DMD: variants seen among roughly 807,000 people sequenced by gnomAD.
DMD encodes the protein mutant dystrophin.
A neutral mutation model predicts 330.1 loss-of-function variants in DMD; 63 were observed. The ratio of observed to expected loss-of-function variants is 0.19; its 90% CI spans 0.16 to 0.24. The LOEUF is 0.24. DMD is among the 10% of genes least tolerant of loss of function. The pLI is 1.00. For synonymous variants in DMD, 1,223 were observed against 959.8 expected (o/e 1.27, Z -5.07); for missense variants, 3,344 against 2,684.1 (o/e 1.25, Z -5.43).
intron 2 of DMD, among the ~76,000 whole-genome samples, chrX:33,011,348 C>T (rs778769033): frequency 2.7e-5 from 3 of 111,686 alleles, no homozygotes; most frequent in Non-Finnish European, 5.7e-5. Flanking sequence ...ATCTCCCTTG[C>T]TACTACTCAC....
intron 1 of DMD, among the ~76,000 whole-genome samples, chrX:33,105,181 G>C (rs941542643): frequency 8.9e-5 from 10 of 111,765 alleles, no homozygotes; most frequent in African/African-American, 3.2e-4. Flanking sequence ...TTGGGCAAAG[G>C]ACAGCCTATT....
At chrX:32,205,398 C>T (rs1322170245) in intron 44 of DMD, among the ~76,000 whole-genome samples, 2 of 108,466 alleles carry the variant, frequency 1.8e-5, no homozygotes, top group African/African-American at 3.4e-5. Flanking sequence ...ATTTACAATT[C>T]TCTCCCTTAT....
intron 41 of DMD, among the ~76,000 whole-genome samples, chrX:32,314,817 G>C (rs754413171): frequency 1.3e-4 from 15 of 111,920 alleles, no homozygotes; most frequent in Non-Finnish European, 2.6e-4. Context: ...TTAGAGAAAT[G>C]CAAGTCAAAA....
rs150393172 is a variant in DMD, at chrX:32,442,097, A to G, written c.3787-783T>C. On this transcript the variant is annotated intron_variant, in intron 27 of 78. Transcript: ENST00000357033. ...AATTTCTACAAGAAAATATAGAAGA[A>G]AATATTTCTGACTTTGGCATAGAGA... 5.2e-3 allele frequency among the ~76,000 whole-genome samples: 574 copies of G among 111,161 alleles called. 1 individual carries two copies. The highest frequency in any genetic ancestry group is 8.9e-3 in the Non-Finnish European group (467 of 52,631).
chrX:33,033,672 C>G (rs1216046467), intron 1 of DMD, among the ~76,000 whole-genome samples: 1 of 109,167 alleles, frequency 9.2e-6, no homozygotes, highest in Non-Finnish European at 1.9e-5. Flanking sequence ...GAGCCGAGAT[C>G]GCGCCACTGC....
intron 1 of DMD, among the ~76,000 whole-genome samples, chrX:33,295,763 T>C (rs2053574943): frequency 9.0e-6 from 1 of 111,252 alleles, no homozygotes; most frequent in Non-Finnish European, 1.9e-5. Context: ...CACAGGGATG[T>C]TGTAAATCCA....
rs748263927 is a variant in DMD, at chrX:32,845,024, G to A, written c.187-164C>T. ...TAAATACTTTGCGCTAATTGTCCTT[G>A]GCCTGGTACGTTTTTAGCATAAACC... On this transcript the variant is annotated intron_variant, in intron 3 of 78. Coordinates refer to ENST00000357033, the MANE Select transcript of DMD (RefSeq NM_004006.3). Among the ~76,000 whole-genome samples, 4 of 111,858 alleles carry A rather than the reference G, an allele frequency of 3.6e-5. No homozygotes were observed. The South Asian group carries it at 1.5e-3, about 42-fold the overall frequency.
At chrX:32,621,704 G>A (rs774154744) in intron 11 of DMD, among the ~76,000 whole-genome samples, 1 of 110,387 alleles carries the variant, frequency 9.1e-6, no homozygotes, top group East Asian at 2.9e-4. Flanking sequence ...GGCTGGGTGT[G>A]TGCAAACGGG....
At chrX:31,483,276 A>G (rs191528198) in intron 57 of DMD, among the ~76,000 whole-genome samples, 2,920 of 109,126 alleles carry the variant, frequency 0.027, 91 homozygotes, top group African/African-American at 0.069. Context: ...TCCATCTCCC[A>G]ACCTCGTGAT....
chrX:31,337,159 G>A (rs2148404727), intron 61 of DMD, among the ~76,000 whole-genome samples: 1 of 109,834 alleles, frequency 9.1e-6, no homozygotes, highest in East Asian at 2.9e-4. Flanking sequence ...TCCTGACCTC[G>A]TGATCCGCCC....
At chrX:32,992,195 A>G (rs946462414) in intron 2 of DMD, among the ~76,000 whole-genome samples, 3 of 111,400 alleles carry the variant, frequency 2.7e-5, no homozygotes, top group African/African-American at 9.8e-5. Context: ...TAGATCTGTG[A>G]TCTGACAGAA....
chrX:32,904,072 A>G (rs2086530768), intron 2 of DMD, among the ~76,000 whole-genome samples: 1 of 112,296 alleles, frequency 8.9e-6, no homozygotes, highest in African/African-American at 3.2e-5. Flanking sequence ...AATATCAAAG[A>G]TATAGCAAAT....
At chrX:32,398,241 C>G (rs1203658445) in intron 30 of DMD, among the ~76,000 whole-genome samples, 1 of 99,985 alleles carries the variant, frequency 1.0e-5, no homozygotes. Flanking sequence ...ATTCACACAG[C>G]TTTGTACTAC....
At chrX:32,473,005 G>A (rs73619097) in intron 21 of DMD, among the ~76,000 whole-genome samples, 6,887 of 110,336 alleles carry the variant, frequency 0.062, 576 homozygotes, top group African/African-American at 0.22. Flanking sequence ...ATTATATAGA[G>A]ATATACAGTA....
chrX:32,487,455 T>A (rs1225357721), intron 20 of DMD, among the ~76,000 whole-genome samples: 1 of 110,754 alleles, frequency 9.0e-6, no homozygotes, highest in East Asian at 2.8e-4. Flanking sequence ...AAAGAGAAAA[T>A]GGAAAGAATT....
intron 55 of DMD, among the ~76,000 whole-genome samples, chrX:31,590,708 T>C (rs2076828988): frequency 9.0e-6 from 1 of 111,704 alleles, no homozygotes; most frequent in Non-Finnish European, 1.9e-5. Context: ...GCTTTTAAAA[T>C]AGGCTTGGGA....
intron 77 of DMD, among the ~76,000 whole-genome samples, chrX:31,132,080 T>C (rs1341636755): frequency 8.9e-6 from 1 of 112,056 alleles, no homozygotes; most frequent in Admixed American, 9.5e-5. Flanking sequence ...GTTAATGGAA[T>C]TGGTATCGGA....
intron 50 of DMD, among the ~76,000 whole-genome samples, chrX:31,794,867 T>C (rs983468458): frequency 9.0e-6 from 1 of 111,671 alleles, no homozygotes. Flanking sequence ...AGAAACGAAA[T>C]TTAGGAAGAG....
intron 50 of DMD, among the ~76,000 whole-genome samples, chrX:31,775,779 T>G (rs1010976495): frequency 9.0e-6 from 1 of 111,522 alleles, no homozygotes; most frequent in Non-Finnish European, 1.9e-5. Flanking sequence ...GTCTCCTCAT[T>G]AGAGAAGAAG....
Sources: allele counts gnomAD v4.1 joint callset (sites outside exome capture counted in the v4.1 genomes callset), GRCh38; gene constraint gnomAD v4.1.1; transcripts MANE v1.5; gene names NCBI Gene and HGNC (gene_info 2026-07-23, HGNC 2026-07-21).